EPHA8: variants seen among roughly 807,000 people sequenced by gnomAD.
EPHA8 encodes the protein ephrin type-A receptor 8.
In EPHA8, 58 loss-of-function variants were observed where a neutral mutation model predicts 103.6. That is an observed-to-expected ratio of 0.56 (90% CI 0.45 to 0.70). The LOEUF (loss-of-function observed/expected upper bound fraction) is 0.70, where lower values mean the gene tolerates loss of function less well. Ranked by LOEUF, EPHA8 falls within the 30% of genes least tolerant of loss-of-function variation. EPHA8 has a pLI of 0.00. For synonymous variants in EPHA8, 559 were observed against 572.5 expected (o/e 0.98, Z 0.34); for missense variants, 1,304 against 1,395.2 (o/e 0.93, Z 1.04).
chr1:22,593,790 A>G (rs1641443577), intron 7 of EPHA8, 104 bp downstream of exon 7: 1 of 1,336,748 alleles, frequency 7.5e-7, no homozygotes, highest in African/African-American at 1.5e-5. Context: ...GCCAGTGCCA[A>G]TGCAGGATTT....
At position 22,597,222 on chromosome 1, in the gene EPHA8, C is replaced by A; in HGVS notation, c.1766-90C>A. The A allele has an allele frequency of 8.8e-7, 1 of 1,132,152 alleles. No homozygotes were observed. Among genetic ancestry groups the A allele is most frequent in the Non-Finnish European group, 1.2e-6 (1 of 805,216 alleles). 70.1% of individuals were successfully genotyped at this position (1,132,152 alleles called of 1,614,324 possible). A position where few individuals can be genotyped will look rare whatever the true frequency, so the allele number is the denominator to read the frequency against. On this transcript the variant is annotated intron_variant, in intron 9 of 16. Coordinates refer to ENST00000166244, the MANE Select transcript of EPHA8 (RefSeq NM_020526.5). This position sits in a 1 kb window ranked among gnomAD's most constrained non-coding sequence, Gnocchi z 4.6. ...CAGAGACTCCCAGAGACACCCCTCACCCCACCCCAGACCCATCCCAGGCCC... is the reference window on the plus strand; with the variant it reads ...CAGAGACTCCCAGAGACACCCCTCAACCCACCCCAGACCCATCCCAGGCCC...
intron 2 of EPHA8, among the ~76,000 whole-genome samples, chr1:22,574,475 C>T (rs1640629433): frequency 6.6e-6 from 1 of 152,200 alleles, no homozygotes; most frequent in Non-Finnish European, 1.5e-5. Context: ...GTAACTGCCC[C>T]CTCCCTGCCA....
At chr1:22,585,594 C>G (rs918751656) in intron 3 of EPHA8, among the ~76,000 whole-genome samples, 1 of 152,222 alleles carries the variant, frequency 6.6e-6, no homozygotes, top group Non-Finnish European at 1.5e-5. Flanking sequence ...CCAAACAGGC[C>G]TGGTCCAGAG....
At chr1:22,580,037 T>G (rs1436819100) in intron 3 of EPHA8, among the ~76,000 whole-genome samples, 1 of 151,820 alleles carries the variant, frequency 6.6e-6, no homozygotes, top group Non-Finnish European at 1.5e-5. Flanking sequence ...GGAGCCGTCT[T>G]GCCCAGAGAT....
At chr1:22,599,688 A>G (rs775903512) in intron 13 of EPHA8, among the ~76,000 whole-genome samples, 50 of 22,750 alleles carry the variant, frequency 2.2e-3, no homozygotes, top group African/African-American at 0.015. Flanking sequence ...GGAAGGAAGG[A>G]AAGGAGGGAG....
chr1:22,601,757 G>A lies in EPHA8; in HGVS notation c.*16G>A. The A allele has an allele frequency of 6.5e-7, 1 of 1,550,336 alleles. No individual in the cohort carries two copies. Among genetic ancestry groups the A allele is most frequent in the Non-Finnish European group, 8.7e-7 (1 of 1,147,432 alleles). ...GCACCTCTGATGTACAGCCAGCAGG[G>A]CCCAGGCAGCCACCAAGCCCACCCC... On this transcript the variant is annotated 3_prime_UTR_variant, in exon 17 of 17. Transcript: ENST00000166244.
At position 22,589,355 on chromosome 1, in the gene EPHA8, G is replaced by A; in HGVS notation, c.1315+149G>A. The A allele has an allele frequency of 1.9e-6, 3 of 1,575,514 alleles. No individual in the cohort carries two copies. The highest frequency in any genetic ancestry group is 2.6e-6 in the Non-Finnish European group (3 of 1,163,056). On this transcript the variant is annotated intron_variant, in intron 5 of 16. Transcript: ENST00000166244. This position sits in a 1 kb window ranked among gnomAD's most constrained non-coding sequence, Gnocchi z 4.3. The stretch of plus-strand genomic sequence containing the variant: ...CCTGCGCTCCTCACCAGGACCCAGA[G>A]CTGGAGGCTCTTCATTGCCTTTAGA...
At position 22,596,170 on chromosome 1, in the gene EPHA8, C is replaced by G. The variant is rs1200501191; in HGVS notation, c.1762C>G (p.Gln588Glu). 3 of 1,613,742 alleles carry G rather than the reference C, an allele frequency of 1.9e-6. No homozygotes were observed. Among genetic ancestry groups the G allele is most frequent in the African/African-American group, 1.3e-5 (1 of 74,906 alleles). The change falls in exon 9 of 17, where the codon CAG becomes GAG. Residue 588 changes from glutamine (Q) to glutamate (E), a missense_variant. Physicochemically the swap from Gln to Glu is conservative, Grantham distance 29. Coordinates refer to ENST00000166244, the MANE Select transcript of EPHA8 (RefSeq NM_020526.5). The stretch of plus-strand genomic sequence containing the variant: ...GGAGAAGATGCACTATCAGAATGGA[C>G]AGGGTGAGTGCAGGGGCCCGGTGGT... The part of the protein sequence containing the change: ...DEEKMHYQNG[Q>E]APPPVFLPLH...
chr1:22,601,700 G>A lies in EPHA8; in HGVS notation c.2977G>A (p.Ala993Thr), dbSNP rs200111539. 29 of 1,580,594 alleles carry A rather than the reference G, an allele frequency of 1.8e-5. No individual in the cohort carries two copies. The East Asian group carries it at 5.6e-4, about 31-fold the overall frequency. The change falls in exon 17 of 17, where the codon GCC (alanine) becomes ACC (threonine). Residue 993 changes from alanine to threonine, a missense_variant. Ala to Thr is a moderately conservative substitution (Grantham distance 58). Coordinates refer to ENST00000166244, the MANE Select transcript of EPHA8 (RefSeq NM_020526.5). Reference protein sequence around the residue: ...KILGSIQTMRAQLTSTQGPRR... With the variant: ...KILGSIQTMRTQLTSTQGPRR... ...CCTGGGCAGCATTCAGACCATGCGG[G>A]CCCAGCTGACCAGCACCCAGGGGCC...
chr1:22,578,681 A>C (rs577467354), intron 3 of EPHA8, among the ~76,000 whole-genome samples: 10 of 138,554 alleles, frequency 7.2e-5, no homozygotes, highest in African/African-American at 2.9e-4. Flanking sequence ...GCATTTGTGC[A>C]TGAGTGTATG....
chr1:22,578,160 AT>A (rs1233627232), intron 3 of EPHA8, among the ~76,000 whole-genome samples: 1 of 62,878 alleles, frequency 1.6e-5, no homozygotes, highest in African/African-American at 5.8e-5. Flanking sequence ...GCGTGTGTGC[AT>A]GAGTGTATGT....
rs551993449 is a variant in EPHA8, at chr1:22,569,053, G to A, written c.95-236G>A. On this transcript the variant is annotated intron_variant, in intron 1 of 16. Coordinates refer to ENST00000166244, the MANE Select transcript of EPHA8 (RefSeq NM_020526.5). This position sits in a 1 kb window ranked among gnomAD's most constrained non-coding sequence, Gnocchi z 4.5. ...GCACTTGGAACAGCTTGTGTTCTGGGAGTTCAGAATATTACTTTTTGGCCA... is the reference window on the plus strand; with the variant it reads ...GCACTTGGAACAGCTTGTGTTCTGGAAGTTCAGAATATTACTTTTTGGCCA... Among the ~76,000 whole-genome samples, 3 of 152,336 alleles carry A rather than the reference G, an allele frequency of 2.0e-5. No homozygotes were observed. In the South Asian group the frequency reaches 6.2e-4, roughly 32 times the overall value.
chr1:22,574,480 C>T (rs1443256899), intron 2 of EPHA8, among the ~76,000 whole-genome samples: 3 of 152,238 alleles, frequency 2.0e-5, no homozygotes, highest in African/African-American at 7.2e-5. Context: ...TGCCCCCTCC[C>T]TGCCAGCCCC....
At chr1:22,574,921 C>T (rs1640641156) in intron 2 of EPHA8, among the ~76,000 whole-genome samples, 1 of 152,188 alleles carries the variant, frequency 6.6e-6, no homozygotes, top group South Asian at 2.1e-4. Flanking sequence ...GCACAGGGTT[C>T]TAATTTCTCC....
Position 22,593,675 on chromosome 1 carries a change from C to A in EPHA8, c.1592C>A (p.Thr531Asn). The change falls in exon 7 of 17, where the codon ACC becomes AAC. Residue 531 changes from threonine (T) to asparagine (N), a missense_variant. Transcript: ENST00000166244. Reference protein sequence around the residue: ...GRFSQAMEVETGKPRPRYDTR... With the variant: ...GRFSQAMEVENGKPRPRYDTR... Reference sequence around the variant, plus strand: ...TTCAGCCAGGCCATGGAGGTGGAGACCGGGAAACCCCGTGAGTGCAGGGAG... The same window carrying A: ...TTCAGCCAGGCCATGGAGGTGGAGAACGGGAAACCCCGTGAGTGCAGGGAG... 6.3e-7 allele frequency: 1 copy of A among 1,595,016 alleles called. No individual in the cohort carries two copies. The highest frequency in any genetic ancestry group is 2.3e-5 in the East Asian group (1 of 44,130).
At position 22,589,472 on chromosome 1, in the gene EPHA8, CT is replaced by C; in HGVS notation, c.1315+267del. 6.8e-7 allele frequency: 1 copy of C among 1,475,604 alleles called. No homozygotes were observed. Among genetic ancestry groups the C allele is most frequent in the Non-Finnish European group, 8.9e-7 (1 of 1,121,582 alleles). The allele number at this position is 1,475,604 out of a possible 1,614,324, so 91.4% of individuals were successfully genotyped here. A position where few individuals can be genotyped will look rare whatever the true frequency, so the allele number is the denominator to read the frequency against. ...GAAAGCCTAGGTTCCAGAACTTTCC[CT>C]CTCTGTGCCTCAGTTTCCTCCCTGG... On this transcript the variant is annotated intron_variant, in intron 5 of 16. Transcript: ENST00000166244. The surrounding 1 kb of genome is among the most constrained non-coding windows in gnomAD (Gnocchi z 4.3).
intron 1 of EPHA8, among the ~76,000 whole-genome samples, chr1:22,565,890 G>A (rs149243576): frequency 6.6e-6 from 1 of 152,332 alleles, no homozygotes; most frequent in East Asian, 1.9e-4. Flanking sequence ...TTACCCACAC[G>A]AGTCAGACAG....
intron 3 of EPHA8, among the ~76,000 whole-genome samples, chr1:22,578,075 AT>A (rs1557559274): frequency 1.5e-3 from 15 of 10,212 alleles, no homozygotes; most frequent in Admixed American, 3.6e-3. Flanking sequence ...ATGAGTATGT[AT>A]GCATGTGTGT....
At position 22,595,221 on chromosome 1, in the gene EPHA8, C is replaced by T; in HGVS notation, c.1604-9C>T. The T allele has an allele frequency of 1.2e-6, 2 of 1,604,432 alleles. No individual in the cohort carries two copies. The highest frequency in any genetic ancestry group is 1.3e-5 in the African/African-American group (1 of 74,856). ...AGCCTGGTCCCCCAACCCTGGCTTT[C>T]CCCTGCAGGGCCCCGCTATGACACC... On this transcript the variant is annotated splice_polypyrimidine_tract_variant and intron_variant, in intron 7 of 16. Coordinates refer to ENST00000166244, the MANE Select transcript of EPHA8 (RefSeq NM_020526.5).
Sources: allele counts gnomAD v4.1 joint callset (sites outside exome capture counted in the v4.1 genomes callset), GRCh38; gene constraint gnomAD v4.1.1; non-coding constraint Gnocchi (gnomAD v3.1); transcripts MANE v1.5; gene names NCBI Gene and HGNC (gene_info 2026-07-23, HGNC 2026-07-21).